The following MLANA variants were observed in gnomAD, a reference collection of about 807,000 sequenced individuals.
MLANA encodes the protein melan-A, also known as melanoma antigen recognized by T-cells 1.
In MLANA, 21 loss-of-function variants were observed where a neutral mutation model predicts 15.7. The ratio of observed to expected loss-of-function variants is 1.33; its 90% CI spans 0.95 to 1.92. MLANA has a LOEUF of 1.92. Among genes scored for constraint, MLANA ranks in the 40% most tolerant of loss-of-function variants. The pLI is 0.00. For missense variants in MLANA, 164 were observed against 143.8 expected, an observed-to-expected ratio of 1.14 and a Z score of -0.72; for synonymous variants, 56 against 51.5, an observed-to-expected ratio of 1.09 and a Z score of -0.37.
intron 3 of MLANA, among the ~76,000 whole-genome samples, chr9:5,904,380 T>G (rs1832658637): frequency 6.6e-6 from 1 of 152,242 alleles, no homozygotes; most frequent in South Asian, 2.1e-4. Context: ...TCTTTGTTTC[T>G]ATTTTTGTCT....
chr9:5,897,688 G>C, intron 3 of MLANA, 35 bp downstream of exon 3: 1 of 1,544,454 alleles, frequency 6.5e-7, no homozygotes, highest in South Asian at 1.1e-5. Context: ...ATCCCTCCAA[G>C]TCCAGGGCCC....
intron 2 of MLANA, among the ~76,000 whole-genome samples, chr9:5,892,929 A>C (rs1831745927): frequency 6.6e-6 from 1 of 152,194 alleles, no homozygotes; most frequent in Non-Finnish European, 1.5e-5. Flanking sequence ...AGACAGAATA[A>C]AAGTGAGTTG....
intron 3 of MLANA, among the ~76,000 whole-genome samples, chr9:5,904,578 T>A (rs1297225240): frequency 6.6e-6 from 1 of 151,962 alleles, no homozygotes; most frequent in Admixed American, 6.5e-5. Context: ...GTTCAAGTGA[T>A]TCTCCTGTCT....
At chr9:5,892,353 T>A (rs747788257) in intron 1 of MLANA, 97 bp from the exon 2 acceptor site, 8 of 737,612 alleles carry the variant, frequency 1.1e-5, no homozygotes, top group Non-Finnish European at 1.7e-5. Context: ...GCTATGGATA[T>A]TGGTCACCTA....
In MLANA at chr9:5,893,233, CT is replaced by C. The variant is rs1455417799; in HGVS notation, c.77+683del. On this transcript the variant is annotated intron_variant, in intron 2 of 4. Coordinates refer to ENST00000381477, the MANE Select transcript of MLANA (RefSeq NM_005511.2). ...AAGTGCGGTAATGAAAACCCAGAGG[CT>C]GCAGGGACATACTCTGTATGTGCTG... Among the ~76,000 whole-genome samples the C allele has an allele frequency of 5.9e-5, 9 of 152,242 alleles. No individual in the cohort carries two copies. The South Asian group carries it at 1.9e-3, about 32-fold the overall frequency.
At chr9:5,900,426 T>C (rs1331380) in intron 3 of MLANA, among the ~76,000 whole-genome samples, 110,024 of 152,050 alleles carry the variant, frequency 0.72, 39,978 homozygotes, top group Non-Finnish European at 0.76. Context: ...TCTAGAAAAG[T>C]CAGTTTGGAG....
intron 3 of MLANA, among the ~76,000 whole-genome samples, chr9:5,898,436 T>C (rs1156939972): frequency 6.6e-6 from 1 of 152,238 alleles, no homozygotes; most frequent in Non-Finnish European, 1.5e-5. Flanking sequence ...GACAGAGCCC[T>C]TGTAACTTAA....
intron 3 of MLANA, among the ~76,000 whole-genome samples, chr9:5,899,537 G>C (rs550437809): frequency 5.9e-5 from 9 of 152,132 alleles, no homozygotes; most frequent in Non-Finnish European, 1.2e-4. Flanking sequence ...ATCTGAACAA[G>C]ACTCCAATAT....
chr9:5,893,690 A>G (rs1432711836), intron 2 of MLANA, among the ~76,000 whole-genome samples: 1 of 152,100 alleles, frequency 6.6e-6, no homozygotes, highest in Non-Finnish European at 1.5e-5. Flanking sequence ...TTTAAAATAT[A>G]CTTTTATGTC....
At chr9:5,898,809 T>A (rs1274929445) in intron 3 of MLANA, 1 of 152,164 alleles carries the variant, frequency 6.6e-6, no homozygotes, top group East Asian at 1.9e-4. Flanking sequence ...ACACTAAGCA[T>A]CCCAGGATAT....
intron 3 of MLANA, among the ~76,000 whole-genome samples, chr9:5,902,373 C>T (rs1832491805): frequency 1.3e-5 from 2 of 152,130 alleles, no homozygotes; most frequent in African/African-American, 2.4e-5. Context: ...ATTTCTTAGC[C>T]TAGCTAAAGG....
chr9:5,906,879 T>C lies in MLANA; in HGVS notation c.175-6T>C. The C allele has an allele frequency of 1.3e-6, 2 of 1,548,342 alleles. No individual in the cohort carries two copies. Among genetic ancestry groups the C allele is most frequent in the Non-Finnish European group, 1.7e-6 (2 of 1,149,482 alleles). Reference sequence around the variant, plus strand: ...ACCCACTCACCTTTATCAATTTACATTTCAGGATAAAAGTCTTCATGTTGG... The same window carrying C: ...ACCCACTCACCTTTATCAATTTACACTTCAGGATAAAAGTCTTCATGTTGG... On this transcript the variant is annotated splice_polypyrimidine_tract_variant and splice_region_variant and intron_variant, in intron 3 of 4. Coordinates refer to ENST00000381477, the MANE Select transcript of MLANA (RefSeq NM_005511.2).
rs1275112417 is a variant in MLANA at position 5,909,607 on chromosome 9, C to T, written c.*899C>T. On this transcript the variant is annotated 3_prime_UTR_variant, in exon 5 of 5. Coordinates refer to ENST00000381477, the MANE Select transcript of MLANA (RefSeq NM_005511.2). The stretch of plus-strand genomic sequence containing the variant: ...TATAACGCAGTCTAATTACATTTCA[C>T]TTCAAGGCTCAATGCTATTCTAACT... 2.0e-5 allele frequency: 3 copies of T among 152,208 alleles called. No homozygotes were observed. Among genetic ancestry groups the T allele is most frequent in the Non-Finnish European group, 4.4e-5 (3 of 68,038 alleles). 9.4% of individuals were successfully genotyped at this position (152,208 alleles called of 1,614,324 possible).
intron 3 of MLANA, among the ~76,000 whole-genome samples, chr9:5,904,406 C>T (rs1335549474): frequency 6.6e-6 from 1 of 152,042 alleles, no homozygotes; most frequent in Non-Finnish European, 1.5e-5. Flanking sequence ...CTTTTTCTGC[C>T]TTTTGTGATT....
chr9:5,896,019 T>C (rs1831990401), intron 2 of MLANA, among the ~76,000 whole-genome samples: 1 of 152,208 alleles, frequency 6.6e-6, no homozygotes, highest in African/African-American at 2.4e-5. Context: ...GAACACTCCT[T>C]GTGACAGCTT....
Position 5,910,310 on chromosome 9 carries a change from A to T in MLANA, c.*1602A>T, listed in dbSNP as rs1282625125. ...CATTTTCTACTAAAGACAAAATTTC[A>T]CCAAAGGGGAAAAAGAAAACACAGG... On this transcript the variant is annotated 3_prime_UTR_variant, in exon 5 of 5. Coordinates refer to ENST00000381477, the MANE Select transcript of MLANA (RefSeq NM_005511.2). The T allele has an allele frequency of 6.6e-6, 1 of 152,214 alleles. No homozygotes were observed. Among genetic ancestry groups the T allele is most frequent in the Non-Finnish European group, 1.5e-5 (1 of 68,038 alleles). The allele number at this position is 152,214 out of a possible 1,614,324, so 9.4% of individuals were successfully genotyped here. A position where few individuals can be genotyped will look rare whatever the true frequency, so the allele number is the denominator to read the frequency against.
intron 3 of MLANA, among the ~76,000 whole-genome samples, chr9:5,900,139 T>C (rs1385015479): frequency 6.6e-6 from 1 of 152,234 alleles, no homozygotes; most frequent in African/African-American, 2.4e-5. Flanking sequence ...ACAAATGCAG[T>C]AATTTTTCTT....
Position 5,906,933 on chromosome 9 carries a change from C to T in MLANA, c.223C>T (p.Pro75Ser). Residue 75 changes from proline to serine, a missense_variant, in exon 4 of 5, where the codon CCA (proline) becomes TCA (serine). Pro to Ser is a moderately conservative substitution (Grantham distance 74). Transcript: ENST00000381477. ...TCAATGTGCCTTAACAAGAAGATGC[C>T]CACAAGAAGGGTTTGATCATCGGGA... ...GTQCALTRRC[P>S]QEGFDHRDSK... 1.3e-6 allele frequency: 2 copies of T among 1,595,710 alleles called. No homozygotes were observed. The highest frequency in any genetic ancestry group is 1.4e-5 in the African/African-American group (1 of 73,548).
At position 5,894,612 on chromosome 9, in the gene MLANA, G is replaced by C. The variant is rs79222800; in HGVS notation, c.77+2061G>C. Among the ~76,000 whole-genome samples the C allele has an allele frequency of 0.019, 2,951 of 152,288 alleles. 43 individuals carry two copies. Among genetic ancestry groups the C allele is most frequent in the South Asian group, 0.039 (189 of 4,828 alleles). On this transcript the variant is annotated intron_variant, in intron 2 of 4. Coordinates refer to ENST00000381477, the MANE Select transcript of MLANA (RefSeq NM_005511.2). The surrounding 1 kb of genome is among the most constrained non-coding windows in gnomAD (Gnocchi z 4.0). ...GGCCTCTGAGGTCAGCCAGTGCTCT[G>C]CTGGGGAGGGGCATAATGAAGCTGG...
Sources: allele counts gnomAD v4.1 joint callset (sites outside exome capture counted in the v4.1 genomes callset), GRCh38; gene constraint gnomAD v4.1.1; non-coding constraint Gnocchi (gnomAD v3.1); transcripts MANE v1.5; gene names NCBI Gene and HGNC (gene_info 2026-07-23, HGNC 2026-07-21).